Variants in CUBN observed in about 807,000 individuals in gnomAD.
CUBN encodes 460 kDa receptor.
A neutral mutation model predicts 405.3 loss-of-function variants in CUBN; 282 were observed. That is an observed-to-expected ratio of 0.70 (90% CI 0.63 to 0.77). The LOEUF (loss-of-function observed/expected upper bound fraction) is 0.77, where lower values mean the gene tolerates loss of function less well. CUBN is among the 30% of genes least tolerant of loss of function. The probability of loss-of-function intolerance (pLI) is 0.00; values close to 1 mark genes in which losing one functional copy is unlikely to be tolerated. For synonymous variants in CUBN, 1,684 were observed against 1,617.0 expected, an observed-to-expected ratio of 1.04 and a Z score of -0.99; for missense variants, 4,514 against 4,475.2, an observed-to-expected ratio of 1.01 and a Z score of -0.25.
intron 9 of CUBN, among the ~76,000 whole-genome samples, chr10:17,110,648 C>T: frequency 6.6e-6 from 1 of 152,126 alleles, no homozygotes; most frequent in East Asian, 1.9e-4. Flanking sequence ...GTGCCTCAGC[C>T]TCCCGAGTAG....
intron 54 of CUBN, among the ~76,000 whole-genome samples, chr10:16,898,705 G>A (rs939912059): frequency 1.3e-5 from 2 of 152,096 alleles, no homozygotes; most frequent in African/African-American, 4.8e-5. Flanking sequence ...GTGAAGGCTG[G>A]CATTAGCTGC....
intron 17 of CUBN, among the ~76,000 whole-genome samples, chr10:17,082,771 T>C (rs962370498): frequency 6.6e-6 from 1 of 152,190 alleles, no homozygotes; most frequent in African/African-American, 2.4e-5. Flanking sequence ...TAACTAGATC[T>C]CCTAAATTTG....
chr10:17,023,605 G>GTTAAA (rs748118881), intron 27 of CUBN: 23 of 455,966 alleles, frequency 5.0e-5, no homozygotes, highest in South Asian at 3.1e-4. Context: ...AGAGCAGAAT[G>GTTAAA]TTAACCACAG....
intron 59 of CUBN, among the ~76,000 whole-genome samples, chr10:16,854,068 A>C (rs922464274): frequency 6.6e-5 from 10 of 152,236 alleles, no homozygotes; most frequent in Admixed American, 4.6e-4. Context: ...TTTTGCAAAA[A>C]GATGAAGATT....
intron 22 of CUBN, among the ~76,000 whole-genome samples, chr10:17,048,669 A>G (rs1320563348): frequency 2.0e-5 from 3 of 152,170 alleles, no homozygotes; most frequent in Non-Finnish European, 4.4e-5. Context: ...ATGTATTTCC[A>G]ATTGCATCCA....
intron 31 of CUBN, among the ~76,000 whole-genome samples, chr10:16,967,865 G>C (rs1447890156): frequency 6.7e-6 from 1 of 149,994 alleles, no homozygotes; most frequent in African/African-American, 2.5e-5. Flanking sequence ...GAGAGAAGGA[G>C]AGACAGGGAG....
At chr10:16,890,130 T>C (rs1588622810) in intron 55 of CUBN, among the ~76,000 whole-genome samples, 1 of 152,128 alleles carries the variant, frequency 6.6e-6, no homozygotes, top group South Asian at 2.1e-4. Flanking sequence ...CAGCCCACTC[T>C]GGATGCCAGG....
intron 36 of CUBN, among the ~76,000 whole-genome samples, chr10:16,943,681 C>T (rs569636677): frequency 2.0e-5 from 3 of 152,172 alleles, no homozygotes; most frequent in South Asian, 2.1e-4. Flanking sequence ...CCAGCAACAT[C>T]GGCATCACCG....
Position 16,828,902 on chromosome 10 carries a change from A to C in CUBN, c.10667T>G (p.Ile3556Ser), listed in dbSNP as rs772128836. The C allele has an allele frequency of 1.9e-6, 3 of 1,614,144 alleles. No individual in the cohort carries two copies. In the Admixed American group the frequency reaches 5.0e-5, roughly 27 times the overall value. The change falls in exon 66 of 67, where the codon ATC (isoleucine) becomes AGC (serine). Residue 3556 changes from isoleucine to serine, a missense_variant. By Grantham distance (142) the Ile-to-Ser change is moderately radical. Transcript: ENST00000377833. ...GRLVTINFYF[I>S]SIDDPGDCVQ... ...ACAGTCTCCTGGATCGTCAATGCTG[A>C]TGAAGTAGAAGTTGATGGTGACAAG...
At chr10:17,098,876 G>A (rs56787191) in intron 14 of CUBN, among the ~76,000 whole-genome samples, 113 of 152,204 alleles carry the variant, frequency 7.4e-4, no homozygotes, top group African/African-American at 2.6e-3. Flanking sequence ...CTTAGACACT[G>A]AAAGCTATAA....
At chr10:17,091,982 T>C (rs1033901993) in intron 14 of CUBN, among the ~76,000 whole-genome samples, 6 of 152,202 alleles carry the variant, frequency 3.9e-5, no homozygotes, top group Non-Finnish European at 8.8e-5. Flanking sequence ...CTTTACTGTA[T>C]GGACTCACCC....
chr10:16,907,393 A>C, intron 49 of CUBN, 115 bp downstream of exon 49: 1 of 1,093,722 alleles, frequency 9.1e-7, no homozygotes, highest in Non-Finnish European at 1.4e-6. Flanking sequence ...CTTATGTCAA[A>C]GATTTCAAGT....
At chr10:16,829,655 G>C (rs12261733) in intron 65 of CUBN, among the ~76,000 whole-genome samples, 1 of 152,174 alleles carries the variant, frequency 6.6e-6, no homozygotes, top group African/African-American at 2.4e-5. Flanking sequence ...TCATGATTTA[G>C]ACTATATATC....
chr10:17,084,257 GT>G lies in CUBN; in HGVS notation c.2301+13del. 6.2e-7 allele frequency: 1 copy of G among 1,612,348 alleles called. No homozygotes were observed. Among genetic ancestry groups the G allele is most frequent in the Non-Finnish European group, 8.5e-7 (1 of 1,178,726 alleles). On this transcript the variant is annotated intron_variant, in intron 17 of 66. Transcript: ENST00000377833. ...ATGAATGTCATCTAAGGGCGATTGA[GT>G]AGTGAAAGTTACCTCAATGTAATTC... is the stretch of plus-strand genomic sequence containing the variant.
chr10:16,933,303 C>G lies in CUBN; in HGVS notation c.5927-19G>C. The G allele has an allele frequency of 1.2e-6, 2 of 1,610,218 alleles. No homozygotes were observed. The highest frequency in any genetic ancestry group is 4.5e-5 in the East Asian group (2 of 44,848). On this transcript the variant is annotated intron_variant, in intron 39 of 66. Transcript: ENST00000377833. ...CAAGCACCTGTAGAATAGAAAGCAACATCTTTGACACAGCCCTAATGGAAA... is the reference window on the plus strand; with the variant it reads ...CAAGCACCTGTAGAATAGAAAGCAAGATCTTTGACACAGCCCTAATGGAAA...
At chr10:17,108,775 C>T (rs1409181387) in intron 10 of CUBN, among the ~76,000 whole-genome samples, 1 of 151,930 alleles carries the variant, frequency 6.6e-6, no homozygotes, top group Admixed American at 6.6e-5. Flanking sequence ...AATAGCACTA[C>T]CACTACAAGA....
chr10:17,007,350 T>TGTAAG (rs1834055676), intron 28 of CUBN, among the ~76,000 whole-genome samples: 1 of 152,146 alleles, frequency 6.6e-6, no homozygotes, highest in Admixed American at 6.5e-5. Flanking sequence ...GGCCCTGCAA[T>TGTAAG]GTTACTTTGT....
intron 62 of CUBN, among the ~76,000 whole-genome samples, chr10:16,839,742 T>G (rs1401354713): frequency 6.6e-6 from 1 of 150,668 alleles, no homozygotes; most frequent in African/African-American, 2.4e-5. Context: ...TTATAAATCA[T>G]GCTGCTATAA....
chr10:17,002,713 C>T (rs938506646), intron 28 of CUBN, among the ~76,000 whole-genome samples: 4 of 152,288 alleles, frequency 2.6e-5, no homozygotes, highest in African/African-American at 9.6e-5. Context: ...TTAATGCTGC[C>T]TCTGATCATT....
Sources: allele counts gnomAD v4.1 joint callset (sites outside exome capture counted in the v4.1 genomes callset), GRCh38; gene constraint gnomAD v4.1.1; transcripts MANE v1.5; gene names NCBI Gene and HGNC (gene_info 2026-07-23, HGNC 2026-07-21).